AP1B1: variants seen among roughly 807,000 people sequenced by gnomAD.
AP1B1 encodes the protein AP-1 complex subunit beta-1.
A neutral mutation model predicts 104.3 loss-of-function variants in AP1B1; 36 were observed. The observed-to-expected ratio is 0.35, with a 90% CI of 0.26 to 0.46. The LOEUF is 0.46. Ranked by LOEUF, AP1B1 falls within the 20% of genes least tolerant of loss-of-function variation. AP1B1 has a pLI of 1.00. For synonymous variants in AP1B1, 504 were observed against 517.5 expected (o/e 0.97, Z 0.35); for missense variants, 901 against 1,247.9 (o/e 0.72, Z 4.19).
chr22:29,352,788 T>C (rs1341936689), intron 7 of AP1B1, among the ~76,000 whole-genome samples: 4 of 152,090 alleles, frequency 2.6e-5, no homozygotes, highest in African/African-American at 7.2e-5. Context: ...TTAAAAAATA[T>C]ATGCTGAGTC....
At chr22:29,338,257 G>A (rs1285823419) in intron 16 of AP1B1, among the ~76,000 whole-genome samples, 3 of 152,192 alleles carry the variant, frequency 2.0e-5, no homozygotes, top group East Asian at 1.9e-4. Context: ...CAGGAAAATC[G>A]AGGGAAGCCT....
At chr22:29,351,133 T>C (rs1422737169) in intron 9 of AP1B1, 38 bp downstream of exon 9, 1 of 1,572,024 alleles carries the variant, frequency 6.4e-7, no homozygotes, top group South Asian at 1.1e-5. Flanking sequence ...CAGCCCCCTT[T>C]TCCTTCTCCA....
rs1489263686 is a variant in AP1B1, at chr22:29,340,782, G to C, written c.1872C>G (p.Ala624=). Residue 624 remains alanine (A), a synonymous_variant, in exon 14 of 23, where the codon GCC becomes GCG. Coordinates refer to ENST00000357586, the MANE Select transcript of AP1B1 (RefSeq NM_001127.4). ...GGAGGTCACCCAGCAGGTCGCCCTG[G>C]GCGGGGATGACATCTGGCTGCTCCC... The part of the protein sequence containing the change: ...PPGEQPDVIP[A]QGDLLGDLLN... 1 of 1,600,074 alleles carries C rather than the reference G, an allele frequency of 6.2e-7. No individual in the cohort carries two copies. Among genetic ancestry groups the C allele is most frequent in the Non-Finnish European group, 8.5e-7 (1 of 1,174,666 alleles).
chr22:29,331,967 C>A (rs370773025), intron 17 of AP1B1, 51 bp from the exon 18 acceptor site: 5 of 1,560,412 alleles, frequency 3.2e-6, no homozygotes, highest in Admixed American at 1.8e-5. Context: ...GGTGCTGATG[C>A]GGGACAGGTG....
intron 10 of AP1B1, 69 bp from the exon 11 acceptor site, chr22:29,349,452 G>T: frequency 6.4e-7 from 1 of 1,552,338 alleles, no homozygotes. Context: ...AAGCCAGACA[G>T]GGGCCAGGAG....
rs1236550700 is a variant in AP1B1 at position 29,327,833 on chromosome 22, G to T, written c.*988C>A. 1.3e-5 allele frequency: 2 copies of T among 152,180 alleles called. No homozygotes were observed. The highest frequency in any genetic ancestry group is 2.9e-5 in the Non-Finnish European group (2 of 68,036). The allele number at this position is 152,180 out of a possible 1,614,324, so 9.4% of individuals were successfully genotyped here. On this transcript the variant is annotated 3_prime_UTR_variant, in exon 23 of 23. Coordinates refer to ENST00000357586, the MANE Select transcript of AP1B1 (RefSeq NM_001127.4). ...GCAGCTTTCAATCCTGACATTCGGT[G>T]GAGGGGAAAAAAGTGTCCGTGATTG...
Position 29,369,517 on chromosome 22 carries a change from A to G in AP1B1, c.-27-2247T>C, listed in dbSNP as rs574873578. 5.9e-5 allele frequency among the ~76,000 whole-genome samples: 9 copies of G among 152,364 alleles called. No individual in the cohort carries two copies. In the East Asian group the frequency reaches 1.2e-3, roughly 20 times the overall value. Reference sequence around the variant, plus strand: ...CTTTTCTATGGGAGCTGCAGGAAAGAGCAGAAGAGCCCACTGCGTCTGATG... The same window carrying G: ...CTTTTCTATGGGAGCTGCAGGAAAGGGCAGAAGAGCCCACTGCGTCTGATG... On this transcript the variant is annotated intron_variant, in intron 1 of 22. Coordinates refer to ENST00000357586, the MANE Select transcript of AP1B1 (RefSeq NM_001127.4).
chr22:29,329,548 G>A (rs779469829), intron 22 of AP1B1, 164 bp downstream of exon 22: 131 of 1,483,186 alleles, frequency 8.8e-5, no homozygotes, highest in Non-Finnish European at 9.8e-5. Flanking sequence ...TGAATGTGTG[G>A]AAGTGGGGTG....
intron 1 of AP1B1, among the ~76,000 whole-genome samples, chr22:29,369,131 A>G (rs144842227): frequency 1.3e-5 from 2 of 152,300 alleles, no homozygotes; most frequent in East Asian, 3.9e-4. Context: ...CTTTCAAGTC[A>G]TTACTATACG....
intron 16 of AP1B1, among the ~76,000 whole-genome samples, chr22:29,334,970 G>A (rs2061617073): frequency 6.6e-6 from 1 of 152,196 alleles, no homozygotes; most frequent in Non-Finnish European, 1.5e-5. Context: ...GGCTGCCCTT[G>A]TCATTCAAGT....
In AP1B1 at chr22:29,338,994, T is replaced by C; in HGVS notation, c.2159A>G (p.Lys720Arg). Residue 720 changes from lysine (K) to arginine (R), a missense_variant, in exon 16 of 23, where the codon AAA (lysine) becomes AGA (arginine). Coordinates refer to ENST00000357586, the MANE Select transcript of AP1B1 (RefSeq NM_001127.4). ...GTLSGSYVAP[K>R]AVWLPAMKAK... ...GACAGAAGACAAGTGACTTACTGCTTTGGGGGCCACATATGATCCTGACAG... is the reference window on the plus strand; with the variant it reads ...GACAGAAGACAAGTGACTTACTGCTCTGGGGGCCACATATGATCCTGACAG... 6.2e-7 allele frequency: 1 copy of C among 1,614,058 alleles called. No individual in the cohort carries two copies. The highest frequency in any genetic ancestry group is 8.5e-7 in the Non-Finnish European group (1 of 1,179,996).
intron 1 of AP1B1, among the ~76,000 whole-genome samples, chr22:29,383,024 C>G (rs2062461369): frequency 6.6e-6 from 1 of 152,110 alleles, no homozygotes; most frequent in African/African-American, 2.4e-5. Flanking sequence ...TTCTCTACTT[C>G]TTTGTCTCTC....
intron 1 of AP1B1, among the ~76,000 whole-genome samples, chr22:29,375,483 C>T (rs753243341): frequency 6.6e-6 from 1 of 151,546 alleles, no homozygotes; most frequent in Non-Finnish European, 1.5e-5. Flanking sequence ...TAGGAGCTCA[C>T]CAAATGTTTG....
At chr22:29,352,538 T>C (rs2061892860) in intron 7 of AP1B1, among the ~76,000 whole-genome samples, 1 of 152,172 alleles carries the variant, frequency 6.6e-6, no homozygotes, top group African/African-American at 2.4e-5. Flanking sequence ...AAGCCTCTCA[T>C]GGAACCCTCC....
intron 1 of AP1B1, among the ~76,000 whole-genome samples, chr22:29,375,307 G>A (rs1274468733): frequency 7.6e-6 from 1 of 131,308 alleles, no homozygotes; most frequent in Non-Finnish European, 1.5e-5. Context: ...GTGAGACTGT[G>A]CCATTGCACT....
chr22:29,347,170 C>A (rs2061806166), intron 11 of AP1B1, among the ~76,000 whole-genome samples: 1 of 152,184 alleles, frequency 6.6e-6, no homozygotes, highest in Non-Finnish European at 1.5e-5. Context: ...ATGCCACCAT[C>A]CAAGCACCCT....
At chr22:29,339,625 G>A (rs1453640260) in intron 15 of AP1B1, 129 bp downstream of exon 15, 1 of 992,984 alleles carries the variant, frequency 1.0e-6, no homozygotes, top group Admixed American at 2.3e-5. Context: ...CCAGGATGCT[G>A]GACCAAGGCA....
In AP1B1 at chr22:29,337,856, C is replaced by T. The variant is rs1168469341; in HGVS notation, c.2163+1134G>A. 5.3e-5 allele frequency among the ~76,000 whole-genome samples: 8 copies of T among 152,376 alleles called. No individual in the cohort carries two copies. The South Asian group carries it at 6.2e-4, about 12-fold the overall frequency. On this transcript the variant is annotated intron_variant, in intron 16 of 22. Coordinates refer to ENST00000357586, the MANE Select transcript of AP1B1 (RefSeq NM_001127.4). The stretch of plus-strand genomic sequence containing the variant: ...TCCTCCTCCCTGCCACGGAATCCCC[C>T]GGGGCCGGTGCTTCTGCCCCACCCC...
rs2061931037 is a variant in AP1B1 at position 29,354,844 on chromosome 22, G to A, written c.744C>T (p.Leu248=). 1.9e-6 allele frequency: 3 copies of A among 1,614,122 alleles called. No individual in the cohort carries two copies. Among genetic ancestry groups the A allele is most frequent in the Admixed American group, 3.3e-5 (2 of 60,014 alleles). The change falls in exon 7 of 23, where the codon CTC becomes CTT. Residue 248 remains leucine (L), a synonymous_variant. Transcript: ENST00000357586. The part of the protein sequence containing the change: ...QSICERVTPR[L]SHANSAVVLS... Reference sequence around the variant, plus strand: ...GCACCACAGCGGAGTTGGCATGGGAGAGCCTGGGGGTGACCCGCTCACAGA... The same window carrying A: ...GCACCACAGCGGAGTTGGCATGGGAAAGCCTGGGGGTGACCCGCTCACAGA...
Sources: gnomAD v4.1 joint callset for allele counts (sites outside exome capture counted in the v4.1 genomes callset) on GRCh38, gnomAD v4.1.1 for gene constraint, MANE v1.5 for transcripts, NCBI Gene and HGNC (gene_info 2026-07-23, HGNC 2026-07-21) for gene names.